The following MGLL variants were observed in gnomAD, a reference collection of about 807,000 sequenced individuals.
MGLL encodes monoglyceride lipase, also known as lysophospholipase homolog.
MGLL carries 7 observed loss-of-function variants against 29.1 expected under a neutral mutation model. The ratio of observed to expected loss-of-function variants is 0.24; its 90% confidence interval spans 0.14 to 0.45. The LOEUF is 0.45. MGLL is among the 20% of genes least tolerant of loss of function. MGLL has a pLI of 0.99. For missense variants in MGLL, 356 were observed against 413.6 expected (o/e 0.86, Z 1.21); for synonymous variants, 148 against 168.3 (o/e 0.88, Z 0.93).
chr3:127,758,667 G>A (rs1229805603), intron 3 of MGLL, among the ~76,000 whole-genome samples: 3 of 152,188 alleles, frequency 2.0e-5, no homozygotes, highest in Non-Finnish European at 4.4e-5. Flanking sequence ...GAGAATGGGG[G>A]AAGTCACCTG....
chr3:127,808,266 C>T (rs2077604087), intron 2 of MGLL, among the ~76,000 whole-genome samples: 1 of 152,206 alleles, frequency 6.6e-6, no homozygotes, highest in Non-Finnish European at 1.5e-5. Flanking sequence ...GGTCTGGCAA[C>T]ATGACCAGGA....
At chr3:127,821,131 T>C (rs1393282823) in intron 2 of MGLL, among the ~76,000 whole-genome samples, 1 of 152,218 alleles carries the variant, frequency 6.6e-6, no homozygotes, top group Non-Finnish European at 1.5e-5. Context: ...GGAGACCAGC[T>C]GTCTTGTGTA....
At chr3:127,773,320 G>T (rs2107697524) in intron 3 of MGLL, among the ~76,000 whole-genome samples, 1 of 152,368 alleles carries the variant, frequency 6.6e-6, no homozygotes, top group Admixed American at 6.5e-5. Context: ...TAGCAGCCAT[G>T]CCACCTTGGG....
intron 5 of MGLL, chr3:127,715,564 G>C (rs552932420): frequency 5.3e-5 from 21 of 394,938 alleles, no homozygotes; most frequent in Non-Finnish European, 1.0e-4. Flanking sequence ...AAGATTTGTT[G>C]ATTTCATGAG....
intron 2 of MGLL, among the ~76,000 whole-genome samples, chr3:127,813,167 C>T (rs2077694582): frequency 6.6e-6 from 1 of 152,080 alleles, no homozygotes; most frequent in Non-Finnish European, 1.5e-5. Flanking sequence ...CCATCTCTTT[C>T]CCTTTTCATT....
intron 3 of MGLL, among the ~76,000 whole-genome samples, chr3:127,726,154 A>AAGAAAGAAAGAAAGAAAGAG (rs2076031382): frequency 3.5e-5 from 1 of 28,406 alleles, no homozygotes; most frequent in Admixed American, 3.1e-4. Flanking sequence ...GAAAGAAAGA[A>AAGAAAGAAAGAAAGAAAGAG]AGAAAGAAAG....
intron 4 of MGLL, 126 bp from the exon 5 acceptor site, chr3:127,721,289 T>G (rs1400240652): frequency 1.4e-6 from 1 of 738,044 alleles, no homozygotes; most frequent in African/African-American, 1.7e-5. Flanking sequence ...AGGACTACCT[T>G]GGAAGAGGCA....
At chr3:127,822,066 TAC>T (rs1304865109) in intron 1 of MGLL, 2 of 654,686 alleles carry the variant, frequency 3.1e-6, no homozygotes, top group Non-Finnish European at 5.1e-6. Context: ...AGTGCCTCAT[TAC>T]AGTTTTTCCC....
chr3:127,756,897 G>A (rs1004509712), intron 3 of MGLL, among the ~76,000 whole-genome samples: 2 of 152,128 alleles, frequency 1.3e-5, no homozygotes, highest in African/African-American at 2.4e-5. Flanking sequence ...GTAGCAGGAG[G>A]GGCCCTCGTC....
At chr3:127,708,596 G>A (rs1463566241) in intron 6 of MGLL, among the ~76,000 whole-genome samples, 5 of 152,188 alleles carry the variant, frequency 3.3e-5, no homozygotes, top group East Asian at 1.9e-4. Flanking sequence ...CTCTTTGCCC[G>A]TGTATTTTCA....
intron 6 of MGLL, among the ~76,000 whole-genome samples, chr3:127,705,820 A>T (rs1233172156): frequency 1.3e-5 from 2 of 151,990 alleles, no homozygotes; most frequent in African/African-American, 4.8e-5. Flanking sequence ...GACAACATAC[A>T]AATATCCAAA....
At chr3:127,756,107 G>GT (rs1399950886) in intron 3 of MGLL, among the ~76,000 whole-genome samples, 2 of 152,208 alleles carry the variant, frequency 1.3e-5, no homozygotes. Flanking sequence ...TAATGTGATG[G>GT]CTGGAACTCT....
At chr3:127,766,371 C>T (rs72626388) in intron 3 of MGLL, among the ~76,000 whole-genome samples, 17,905 of 152,192 alleles carry the variant, frequency 0.12, 1,112 homozygotes, top group Middle Eastern at 0.15. Flanking sequence ...ATATTGTATA[C>T]ATTTCTAATT....
At chr3:127,694,357 G>GTA (rs72190651) in intron 7 of MGLL, among the ~76,000 whole-genome samples, 1 of 82,228 alleles carries the variant, frequency 1.2e-5, no homozygotes, top group Admixed American at 1.3e-4. Flanking sequence ...GTATATATAT[G>GTA]TGTATATATA....
At chr3:127,736,016 G>A in intron 3 of MGLL, 1 of 1,398,804 alleles carries the variant, frequency 7.1e-7, no homozygotes, top group East Asian at 2.5e-5. Flanking sequence ...GTTTAACATG[G>A]AACAGACCTT....
upstream of MGLL, chr3:127,822,746 C>G (rs1297976089): frequency 4.7e-6 from 1 of 213,828 alleles, no homozygotes; most frequent in African/African-American, 2.4e-5. Flanking sequence ...CTGTGCGTCT[C>G]CGACAGCACA....
intron 3 of MGLL, among the ~76,000 whole-genome samples, chr3:127,776,308 G>A (rs6791406): frequency 0.65 from 98,203 of 150,888 alleles, 35,174 homozygotes; most frequent in Middle Eastern, 0.81. Context: ...GAATCACCTC[G>A]TGTATCTTTT....
intron 3 of MGLL, among the ~76,000 whole-genome samples, chr3:127,763,549 C>T (rs2076802547): frequency 1.3e-5 from 2 of 152,228 alleles, no homozygotes; most frequent in Non-Finnish European, 2.9e-5. Flanking sequence ...CCACGGCCAT[C>T]TGGATCTCGG....
At chr3:127,752,713 C>A (rs1291841976) in intron 3 of MGLL, among the ~76,000 whole-genome samples, 1 of 152,116 alleles carries the variant, frequency 6.6e-6, no homozygotes, top group South Asian at 2.1e-4. Flanking sequence ...GCAGATGGAA[C>A]CTTCCCAAAA....
Sources: allele counts gnomAD v4.1 joint callset (sites outside exome capture counted in the v4.1 genomes callset), GRCh38; gene constraint gnomAD v4.1.1; transcripts MANE v1.5; gene names NCBI Gene and HGNC (gene_info 2026-07-23, HGNC 2026-07-21).